NHSL1: variants seen among roughly 807,000 people sequenced by gnomAD.
The protein encoded by NHSL1 is NHS like 1.
NHSL1 carries 48 observed loss-of-function variants against 95.0 expected under a neutral mutation model. That is an observed-to-expected ratio of 0.51 (90% CI 0.40 to 0.64). NHSL1 has a LOEUF of 0.64. Among genes scored for constraint, NHSL1 ranks in the 30% least tolerant of loss-of-function variants. The pLI is 0.00. For missense variants in NHSL1, 1,971 were observed against 2,077.7 expected, an observed-to-expected ratio of 0.95 and a Z score of 1.00; for synonymous variants, 783 against 833.9, an observed-to-expected ratio of 0.94 and a Z score of 1.05.
chr6:138,557,353 C>T (rs1029697478), intron 1 of NHSL1, among the ~76,000 whole-genome samples: 6 of 152,038 alleles, frequency 3.9e-5, no homozygotes, highest in African/African-American at 1.2e-4. Context: ...GATTGTGGCT[C>T]GGGATCTCAT....
At chr6:138,438,879 G>A (rs1031951287) in intron 5 of NHSL1, among the ~76,000 whole-genome samples, 1 of 151,902 alleles carries the variant, frequency 6.6e-6, no homozygotes, top group Non-Finnish European at 1.5e-5. Flanking sequence ...GTAGCCAAGT[G>A]TTATATATAT....
At chr6:138,650,894 C>T (rs1279244817) in intron 1 of NHSL1, 9 of 540,408 alleles carry the variant, frequency 1.7e-5, no homozygotes, top group Non-Finnish European at 3.4e-5. Flanking sequence ...TTGGAACAGC[C>T]CTATCTTACC....
intron 1 of NHSL1, among the ~76,000 whole-genome samples, chr6:138,642,621 C>T (rs899324160): frequency 1.3e-5 from 2 of 151,948 alleles, no homozygotes; most frequent in African/African-American, 4.8e-5. Context: ...TCAGACTTGG[C>T]TTTTTTGTTT....
chr6:138,682,896 G>T (rs1785531501), intron 1 of NHSL1, among the ~76,000 whole-genome samples: 2 of 152,314 alleles, frequency 1.3e-5, no homozygotes, highest in South Asian at 4.1e-4. Flanking sequence ...GCTGCTGCAC[G>T]TTCCAAGATG....
chr6:138,565,133 G>A (rs893494298), intron 1 of NHSL1, among the ~76,000 whole-genome samples: 6 of 152,180 alleles, frequency 3.9e-5, no homozygotes, highest in African/African-American at 1.2e-4. Flanking sequence ...CTGAGACAGA[G>A]TCTTGCTCTG....
chr6:138,595,790 T>A (rs1392109095), intron 1 of NHSL1, among the ~76,000 whole-genome samples: 2 of 152,200 alleles, frequency 1.3e-5, no homozygotes, highest in Non-Finnish European at 2.9e-5. Context: ...AACAAAACGC[T>A]GAGTCCTATG....
intron 3 of NHSL1, among the ~76,000 whole-genome samples, chr6:138,465,083 C>G (rs1778276035): frequency 6.7e-6 from 1 of 148,402 alleles, no homozygotes; most frequent in Admixed American, 6.7e-5. Flanking sequence ...AATGAATAAA[C>G]TGCTTGTTCA....
At position 138,430,314 on chromosome 6, in the gene NHSL1, G is replaced by A. The variant is rs1377607380; in HGVS notation, c.3952+79C>T. 1.4e-6 allele frequency: 2 copies of A among 1,407,730 alleles called. No individual in the cohort carries two copies. The highest frequency in any genetic ancestry group is 1.9e-6 in the Non-Finnish European group (2 of 1,076,380). The allele number at this position is 1,407,730 out of a possible 1,614,324, so 87.2% of individuals were successfully genotyped here. ...ATCTACCTGGGTTCTTTCCACGTGT[G>A]AGCATTCAACAACCCTATCTGGTTC... On this transcript the variant is annotated intron_variant, in intron 6 of 7. Coordinates refer to ENST00000343505, the MANE Select transcript of NHSL1 (RefSeq NM_001144060.2). The surrounding 1 kb of genome is among the most constrained non-coding windows in gnomAD (Gnocchi z 4.7).
chr6:138,571,825 G>A (rs1204043654), exon 1 of NHSL1: 3 of 1,552,100 alleles, frequency 1.9e-6, no homozygotes, highest in Non-Finnish European at 8.7e-7. Flanking sequence ...TGGACAAGGA[G>A]GAGAAATTTA....
rs1449512240 is a variant in NHSL1, at chr6:138,571,877, A to C, written c.35T>G (p.Leu12Arg). Residue 12 changes from leucine to arginine, a missense_variant, in exon 1 of 7, where the codon CTC becomes CGC. Physicochemically the swap from Leu to Arg is moderately radical, Grantham distance 102. Coordinates refer to the NHSL1 transcript ENST00000427025. The stretch of plus-strand genomic sequence containing the variant: ...TGAGAGAGAACCTGTATTCGGCTGG[A>C]GTCTGAAGGAACCTGAAGAGCCTTC... The C allele has an allele frequency of 3.9e-6, 6 of 1,551,726 alleles. No homozygotes were observed. The Admixed American group carries it at 1.2e-4, about 30-fold the overall frequency.
At chr6:138,589,784 G>A (rs976052532) in intron 1 of NHSL1, among the ~76,000 whole-genome samples, 5 of 151,680 alleles carry the variant, frequency 3.3e-5, no homozygotes, top group Middle Eastern at 3.2e-3. Flanking sequence ...ACAGCAAATC[G>A]CCTCTCCTCA....
At chr6:138,597,259 G>T (rs1175217062) in intron 1 of NHSL1, among the ~76,000 whole-genome samples, 1 of 152,150 alleles carries the variant, frequency 6.6e-6, no homozygotes, top group Non-Finnish European at 1.5e-5. Context: ...AAAAATGGCT[G>T]GTTAGTTTCC....
At chr6:138,589,024 A>C (rs1784184625) in intron 1 of NHSL1, among the ~76,000 whole-genome samples, 1 of 152,168 alleles carries the variant, frequency 6.6e-6, no homozygotes, top group South Asian at 2.1e-4. Context: ...CTCAAGAAAA[A>C]CAGGCAGAGG....
At chr6:138,570,831 C>T (rs377532563) in intron 1 of NHSL1, among the ~76,000 whole-genome samples, 4 of 152,168 alleles carry the variant, frequency 2.6e-5, no homozygotes, top group Non-Finnish European at 5.9e-5. Flanking sequence ...CACAATCACG[C>T]GGAAGGTCTG....
chr6:138,532,800 A>G (rs922547144), intron 1 of NHSL1, among the ~76,000 whole-genome samples: 2 of 152,198 alleles, frequency 1.3e-5, no homozygotes, highest in Non-Finnish European at 2.9e-5. Flanking sequence ...CACGGCTAAT[A>G]GCATCATGGA....
intron 5 of NHSL1, chr6:138,435,223 C>T (rs914132859): frequency 6.5e-6 from 1 of 154,746 alleles, no homozygotes; most frequent in African/African-American, 2.4e-5. Flanking sequence ...TATACGAGTT[C>T]AATTCCAAAC....
chr6:138,545,671 G>C (rs1053090010), exon 1 of NHSL1: 249 of 1,289,098 alleles, frequency 1.9e-4, no homozygotes, highest in Non-Finnish European at 2.4e-4. Context: ...GCTGTGCTCT[G>C]TGGTCTGATG....
intron 1 of NHSL1, among the ~76,000 whole-genome samples, chr6:138,537,558 T>C (rs1372884279): frequency 6.6e-6 from 1 of 150,940 alleles, no homozygotes; most frequent in Non-Finnish European, 1.5e-5. Flanking sequence ...CATCACTATA[T>C]ATTACAGAGA....
chr6:138,608,793 T>C (rs1784469436), intron 1 of NHSL1, among the ~76,000 whole-genome samples: 2 of 152,228 alleles, frequency 1.3e-5, no homozygotes, highest in South Asian at 4.1e-4. Context: ...GTGCCAGTTA[T>C]ATCATAATAT....
Sources: gnomAD v4.1 joint callset for allele counts (sites outside exome capture counted in the v4.1 genomes callset) on GRCh38, gnomAD v4.1.1 for gene constraint, Gnocchi (gnomAD v3.1) non-coding constraint, MANE v1.5 for transcripts, NCBI Gene and HGNC (gene_info 2026-07-23, HGNC 2026-07-21) for gene names.